EPHA6: variants seen among roughly 807,000 people sequenced by gnomAD.
The protein encoded by EPHA6 is EPH receptor A6.
Under a neutral mutation model 112.0 loss-of-function variants are expected in EPHA6, and 50 were observed. The ratio of observed to expected loss-of-function variants is 0.45; its 90% CI spans 0.36 to 0.56. EPHA6 has a LOEUF of 0.56. Ranked by LOEUF, EPHA6 falls within the 20% of genes least tolerant of loss-of-function variation. The pLI, the probability that EPHA6 is intolerant of heterozygous loss-of-function variation, is 0.00. For missense variants in EPHA6, 1,280 were observed against 1,417.4 expected (o/e 0.90, Z 1.56); for synonymous variants, 529 against 490.7 (o/e 1.08, Z -1.03).
chr3:97,151,132 G>T (rs2076162052), intron 3 of EPHA6, among the ~76,000 whole-genome samples: 1 of 151,916 alleles, frequency 6.6e-6, no homozygotes, highest in South Asian at 2.1e-4. Flanking sequence ...CTCGAAATAG[G>T]CCCTGTTATT....
At chr3:97,020,734 G>T (rs1015337777) in intron 3 of EPHA6, among the ~76,000 whole-genome samples, 1 of 152,072 alleles carries the variant, frequency 6.6e-6, no homozygotes. Flanking sequence ...TGCTAAAGGG[G>T]ATCTCAAAAT....
intron 13 of EPHA6, among the ~76,000 whole-genome samples, chr3:97,634,101 G>A (rs2093925969): frequency 6.6e-6 from 1 of 152,026 alleles, no homozygotes; most frequent in South Asian, 2.1e-4. Context: ...AAGAATACAG[G>A]CTCTGTCATT....
intron 3 of EPHA6, among the ~76,000 whole-genome samples, chr3:97,168,229 C>T (rs573279039): frequency 6.6e-6 from 1 of 152,138 alleles, no homozygotes; most frequent in Non-Finnish European, 1.5e-5. Flanking sequence ...TAAATTCTGA[C>T]ACCTGCTTTT....
intron 5 of EPHA6, among the ~76,000 whole-genome samples, chr3:97,332,576 A>T (rs2082853668): frequency 1.3e-5 from 2 of 152,096 alleles, no homozygotes; most frequent in Non-Finnish European, 2.9e-5. Context: ...TAAAAGTTTT[A>T]TGTTTTTATG....
chr3:96,816,345 A>G (rs2032779739), intron 1 of EPHA6, among the ~76,000 whole-genome samples: 2 of 152,180 alleles, frequency 1.3e-5, no homozygotes, highest in Non-Finnish European at 2.9e-5. Flanking sequence ...GATAGATCAC[A>G]TAATAGATAT....
chr3:96,986,913 G>A (rs377401383), intron 2 of EPHA6, among the ~76,000 whole-genome samples: 2 of 152,178 alleles, frequency 1.3e-5, no homozygotes, highest in African/African-American at 4.8e-5. Flanking sequence ...GAAACCCTAA[G>A]TGCGTTTTTT....
intron 3 of EPHA6, among the ~76,000 whole-genome samples, chr3:97,083,247 G>A (rs188529952): frequency 2.6e-5 from 4 of 151,974 alleles, no homozygotes; most frequent in Admixed American, 2.0e-4. Flanking sequence ...CCTCTGCCTG[G>A]CATTCCTAAT....
At chr3:97,328,516 ATTC>A (rs1305194938) in intron 5 of EPHA6, among the ~76,000 whole-genome samples, 1 of 151,802 alleles carries the variant, frequency 6.6e-6, no homozygotes, top group African/African-American at 2.4e-5. Flanking sequence ...GTCTTTTCAT[ATTC>A]TTTTCACATT....
intron 14 of EPHA6, among the ~76,000 whole-genome samples, chr3:97,656,497 A>C (rs2094138526): frequency 6.6e-6 from 1 of 151,934 alleles, no homozygotes; most frequent in Admixed American, 6.6e-5. Flanking sequence ...AAAATGCTAC[A>C]GAATCTTAAA....
intron 5 of EPHA6, among the ~76,000 whole-genome samples, chr3:97,257,227 A>G (rs1185212127): frequency 3.3e-5 from 5 of 151,986 alleles, no homozygotes; most frequent in African/African-American, 1.2e-4. Flanking sequence ...TATAGGTGTG[A>G]ATATAAATAA....
At chr3:97,549,537 A>G (rs975219351) in intron 11 of EPHA6, among the ~76,000 whole-genome samples, 20 of 152,224 alleles carry the variant, frequency 1.3e-4, no homozygotes, top group Non-Finnish European at 2.9e-5. Context: ...AGAAGGGCCT[A>G]TATCAGATGT....
chr3:97,207,896 G>C (rs991903669), intron 3 of EPHA6, among the ~76,000 whole-genome samples: 1 of 152,088 alleles, frequency 6.6e-6, no homozygotes, highest in African/African-American at 2.4e-5. Context: ...GATCTGCCTG[G>C]GTGAGAAATA....
chr3:97,667,893 G>A (rs940856546), intron 14 of EPHA6, among the ~76,000 whole-genome samples: 13 of 152,210 alleles, frequency 8.5e-5, no homozygotes, highest in East Asian at 3.9e-4. Flanking sequence ...GTGTTGACTC[G>A]CTCGTAACTT....
chr3:97,086,319 G>A (rs565069704), intron 3 of EPHA6, among the ~76,000 whole-genome samples: 115 of 152,146 alleles, frequency 7.6e-4, no homozygotes, highest in Non-Finnish European at 1.2e-3. Flanking sequence ...AAAGACCTCA[G>A]CTCCTTCAGT....
intron 3 of EPHA6, among the ~76,000 whole-genome samples, chr3:97,050,055 TCAGA>T (rs944776980): frequency 6.6e-6 from 1 of 152,162 alleles, no homozygotes; most frequent in Non-Finnish European, 1.5e-5. Flanking sequence ...TTGAAAGCTA[TCAGA>T]CAGAAGACAA....
At chr3:97,067,808 C>A (rs79525331) in intron 3 of EPHA6, among the ~76,000 whole-genome samples, 11,523 of 151,812 alleles carry the variant, frequency 0.076, 476 homozygotes, top group Middle Eastern at 0.13. Context: ...TGATTACTGA[C>A]GTGTCAAGAA....
At chr3:97,722,827 TTATAA>T (rs1301004176) in intron 15 of EPHA6, among the ~76,000 whole-genome samples, 1 of 152,118 alleles carries the variant, frequency 6.6e-6, no homozygotes. Context: ...ATAATCATTC[TTATAA>T]TAGGAGGATA....
intron 5 of EPHA6, among the ~76,000 whole-genome samples, chr3:97,342,859 T>C (rs762759857): frequency 3.9e-5 from 6 of 152,170 alleles, no homozygotes; most frequent in Non-Finnish European, 8.8e-5. Context: ...CTGTGAGAAA[T>C]AAATGTTTAT....
rs1331875819 is a variant in EPHA6 at position 97,610,795 on chromosome 3, A to C, written c.2515A>C (p.Arg839=). The change falls in exon 13 of 18, where the codon AGA becomes CGA. Residue 839 remains arginine (R), a splice_region_variant and synonymous_variant. Coordinates refer to ENST00000389672, the MANE Select transcript of EPHA6 (RefSeq NM_001080448.3). ...TGTATTCTCTTGCTCTTTTGCAGGCAGACCAGTAATGATTGTGGTGGAATA... is the reference window on the plus strand; with the variant it reads ...TGTATTCTCTTGCTCTTTTGCAGGCCGACCAGTAATGATTGTGGTGGAATA... ...GSLPPRIPAG[R]PVMIVVEYME... 3 of 1,611,260 alleles carry C rather than the reference A, an allele frequency of 1.9e-6. No individual in the cohort carries two copies. The African/African-American group carries it at 4.0e-5, about 22-fold the overall frequency.
Sources: gnomAD v4.1 joint callset for allele counts (sites outside exome capture counted in the v4.1 genomes callset) on GRCh38, gnomAD v4.1.1 for gene constraint, MANE v1.5 for transcripts, NCBI Gene and HGNC (gene_info 2026-07-23, HGNC 2026-07-21) for gene names.